The following CNTRL variants were observed in gnomAD, a reference collection of about 807,000 sequenced individuals.
CNTRL encodes the protein centriolin, also known as 110 kDa centrosomal protein.
CNTRL carries 233 observed loss-of-function variants against 303.7 expected under a neutral mutation model. The ratio of observed to expected loss-of-function variants is 0.77; its 90% CI spans 0.69 to 0.86. The LOEUF is 0.86. Ranked by LOEUF, CNTRL falls within the 40% of genes least tolerant of loss-of-function variation. CNTRL has a pLI of 0.00. For synonymous variants in CNTRL, 900 were observed against 922.2 expected (o/e 0.98, Z 0.44); for missense variants, 2,524 against 2,650.6 (o/e 0.95, Z 1.05).
Position 121,098,121 on chromosome 9 carries a change from T to C in CNTRL, c.622-265T>C, listed in dbSNP as rs116581170. Among the ~76,000 whole-genome samples the C allele has an allele frequency of 5.3e-3, 808 of 152,306 alleles. 6 individuals are homozygous for C. The highest frequency in any genetic ancestry group is 0.018 in the African/African-American group (762 of 41,550). ...TCGCCTAACTTCTTTGATCCTGAATTTCTTCATCTGTAAAATTAAGATGAT... is the reference window on the plus strand; with the variant it reads ...TCGCCTAACTTCTTTGATCCTGAATCTCTTCATCTGTAAAATTAAGATGAT... On this transcript the variant is annotated intron_variant, in intron 6 of 43. Coordinates refer to ENST00000373855, the MANE Select transcript of CNTRL (RefSeq NM_007018.6).
chr9:121,113,792 G>C, intron 10 of CNTRL, 68 bp downstream of exon 10: 1 of 1,052,450 alleles, frequency 9.5e-7, no homozygotes, highest in Non-Finnish European at 1.3e-6. Flanking sequence ...GGCCAATTTT[G>C]TTTTATAAGT....
At position 121,160,288 on chromosome 9, in the gene CNTRL, C is replaced by A; in HGVS notation, c.5075C>A (p.Ser1692Tyr). ...CTTCAGGTTGTTTTAAGGCAGATGT[C>A]TAAACATAAAACCGGTAAGTTTAAA... ...ENLQVVLRQM[S>Y]KHKTELKNIL... Residue 1692 changes from serine (S) to tyrosine (Y), a missense_variant, in exon 32 of 44, where the codon TCT (serine) becomes TAT (tyrosine). Physicochemically the swap from Ser to Tyr is moderately radical, Grantham distance 144 (BLOSUM62 -2). Transcript: ENST00000373855. The A allele has an allele frequency of 6.6e-7, 1 of 1,521,246 alleles. No homozygotes were observed. Among genetic ancestry groups the A allele is most frequent in the South Asian group, 1.4e-5 (1 of 73,262 alleles). The allele number at this position is 1,521,246 out of a possible 1,614,324, so 94.2% of individuals were successfully genotyped here.
At chr9:121,109,593 GTC>G (rs2049653309) in intron 8 of CNTRL, among the ~76,000 whole-genome samples, 1 of 151,888 alleles carries the variant, frequency 6.6e-6, no homozygotes, top group Non-Finnish European at 1.5e-5. Context: ...GTGTGTGTGT[GTC>G]TATATATACC....
chr9:121,143,503 A>G (rs1034636620), intron 19 of CNTRL, among the ~76,000 whole-genome samples: 1 of 152,180 alleles, frequency 6.6e-6, no homozygotes, highest in African/African-American at 2.4e-5. Context: ...TACGAGGCCT[A>G]CATGATTTGC....
intron 7 of CNTRL, 90 bp from the exon 8 acceptor site, chr9:121,107,712 G>T: frequency 1.2e-6 from 1 of 855,714 alleles, no homozygotes; most frequent in Non-Finnish European, 1.7e-6. Context: ...AATATTTTTA[G>T]ACTTTTTTCA....
intron 26 of CNTRL, among the ~76,000 whole-genome samples, chr9:121,153,195 GC>G (rs2052378897): frequency 6.6e-6 from 1 of 152,172 alleles, no homozygotes; most frequent in Admixed American, 6.5e-5. Context: ...TTCCACACTG[GC>G]CTTCCATGTC....
At chr9:121,086,748 C>A (rs560806323) in intron 2 of CNTRL, among the ~76,000 whole-genome samples, 14 of 147,534 alleles carry the variant, frequency 9.5e-5, no homozygotes, top group African/African-American at 3.3e-4. Flanking sequence ...TCAAGAGATT[C>A]TGTTGCCTCA....
Position 121,096,451 on chromosome 9 carries a change from A to G in CNTRL, c.509A>G (p.Asn170Ser). 1 of 1,558,594 alleles carries G rather than the reference A, an allele frequency of 6.4e-7. No individual in the cohort carries two copies. Among genetic ancestry groups the G allele is most frequent in the Non-Finnish European group, 8.7e-7 (1 of 1,149,828 alleles). The change falls in exon 6 of 44, where the codon AAT (asparagine) becomes AGT (serine). Residue 170 changes from asparagine to serine, a missense_variant. Transcript: ENST00000373855. ...SKIEGIENMC[N>S]LQKLNLAGNE... ...ATTGAAGGCATAGAAAATATGTGTA[A>G]TCTGCAAAAGCTTAACCTTGCAGGA...
chr9:121,115,072 A>T lies in CNTRL; in HGVS notation c.1346-19A>T. 1 of 1,455,930 alleles carries T rather than the reference A, an allele frequency of 6.9e-7. No homozygotes were observed. The highest frequency in any genetic ancestry group is 1.2e-5 in the South Asian group (1 of 80,862). The allele number at this position is 1,455,930 out of a possible 1,614,324, so 90.2% of individuals were successfully genotyped here. On this transcript the variant is annotated intron_variant, in intron 10 of 43. Transcript: ENST00000373855. ...TTTTCTTGTTTCATATTATGTGAGC[A>T]TGGTTTTTAAATTTGCAGCACAAAC... is the stretch of plus-strand genomic sequence containing the variant.
intron 12 of CNTRL, chr9:121,121,836 T>C: frequency 1.0e-6 from 1 of 985,378 alleles, no homozygotes; most frequent in Non-Finnish European, 1.2e-6. Flanking sequence ...CTTGCAAAAA[T>C]GTGGCTGTCA....
At chr9:121,169,907 AC>A in intron 39 of CNTRL, 91 bp downstream of exon 39, 1 of 1,012,410 alleles carries the variant, frequency 9.9e-7, no homozygotes, top group Non-Finnish European at 1.5e-6. Context: ...AAAATAAATT[AC>A]CCATCAACCC....
intron 40 of CNTRL, among the ~76,000 whole-genome samples, chr9:121,171,866 T>TA (rs760580805): frequency 5.9e-5 from 9 of 152,174 alleles, no homozygotes; most frequent in Non-Finnish European, 1.3e-4. Context: ...AACAAGTCTA[T>TA]AGGAGCCAAA....
At chr9:121,121,683 G>A in intron 12 of CNTRL, 3 of 591,780 alleles carry the variant, frequency 5.1e-6, no homozygotes, top group Non-Finnish European at 6.4e-6. Flanking sequence ...TTGGCCCCTG[G>A]GAGCTTCCTG....
chr9:121,117,891 A>G (rs1255395004), intron 11 of CNTRL, among the ~76,000 whole-genome samples: 2 of 152,096 alleles, frequency 1.3e-5, no homozygotes, highest in Non-Finnish European at 2.9e-5. Flanking sequence ...AGGCAGGAGA[A>G]TGGCGTGAAC....
chr9:121,096,626 T>A, intron 6 of CNTRL, 63 bp downstream of exon 6: 1 of 1,267,044 alleles, frequency 7.9e-7, no homozygotes, highest in Non-Finnish European at 1.0e-6. Context: ...TAAAAATATC[T>A]AAGTTTTTTA....
Position 121,143,245 on chromosome 9 carries a change from A to C in CNTRL, c.2872-658A>C, listed in dbSNP as rs146030462. 1.3e-3 allele frequency among the ~76,000 whole-genome samples: 198 copies of C among 152,176 alleles called. 7 individuals are homozygous for C. In the South Asian group the frequency reaches 0.034, roughly 26 times the overall value. ...GAGAACTCTTCAGTTTCCAAGTCCT[A>C]TTGAATCCATCTCTAAAATGTATCT... On this transcript the variant is annotated intron_variant, in intron 19 of 43. Coordinates refer to ENST00000373855, the MANE Select transcript of CNTRL (RefSeq NM_007018.6).
chr9:121,138,788 A>C (rs890015411), intron 16 of CNTRL, 109 bp downstream of exon 16: 4 of 1,114,316 alleles, frequency 3.6e-6, no homozygotes, highest in Non-Finnish European at 5.1e-6. Context: ...AGCAATTTGA[A>C]TTACTAGAAA....
intron 12 of CNTRL, chr9:121,122,382 T>C: frequency 1.0e-6 from 1 of 985,104 alleles, no homozygotes; most frequent in Non-Finnish European, 1.2e-6. Context: ...GCTGCCACTC[T>C]TTTGTTCATC....
At position 121,138,276 on chromosome 9, in the gene CNTRL, G is replaced by T. The variant is rs2051305023; in HGVS notation, c.2203-269G>T. On this transcript the variant is annotated intron_variant, in intron 15 of 43. Coordinates refer to ENST00000373855, the MANE Select transcript of CNTRL (RefSeq NM_007018.6). ...TCACTTGCAGAACTTTTAAAGGTAGGTGCCTCGGCCCACCCCTGAAGATTC... is the reference window on the plus strand; with the variant it reads ...TCACTTGCAGAACTTTTAAAGGTAGTTGCCTCGGCCCACCCCTGAAGATTC... 2.6e-5 allele frequency among the ~76,000 whole-genome samples: 4 copies of T among 152,134 alleles called. No homozygotes were observed. The South Asian group carries it at 8.3e-4, about 32-fold the overall frequency.
Sources: gnomAD v4.1 joint callset for allele counts (sites outside exome capture counted in the v4.1 genomes callset) on GRCh38, gnomAD v4.1.1 for gene constraint, MANE v1.5 for transcripts, NCBI Gene and HGNC (gene_info 2026-07-23, HGNC 2026-07-21) for gene names.